Variants in ADAMTS12 observed in about 807,000 individuals in gnomAD.
ADAMTS12 encodes A disintegrin and metalloproteinase with thrombospondin motifs 12.
Under a neutral mutation model 167.8 loss-of-function variants are expected in ADAMTS12, and 118 were observed. The ratio of observed to expected loss-of-function variants is 0.70; its 90% confidence interval spans 0.61 to 0.82. ADAMTS12 has a LOEUF of 0.82. ADAMTS12 is among the 40% of genes least tolerant of loss of function. The pLI, the probability that ADAMTS12 is intolerant of heterozygous loss-of-function variation, is 0.00. For missense variants in ADAMTS12, 1,916 were observed against 1,998.8 expected (o/e 0.96, Z 0.79); for synonymous variants, 704 against 716.9 (o/e 0.98, Z 0.29).
chr5:33,757,166 C>A (rs1172407811), intron 2 of ADAMTS12, among the ~76,000 whole-genome samples: 1 of 152,092 alleles, frequency 6.6e-6, no homozygotes, highest in Non-Finnish European at 1.5e-5. Context: ...GCCTTAAAAG[C>A]AAATGAACTG....
chr5:33,576,315 C>T lies in ADAMTS12; in HGVS notation c.3711G>A (p.Glu1237=). The T allele has an allele frequency of 5.0e-6, 8 of 1,614,186 alleles. No individual in the cohort carries two copies. Among genetic ancestry groups the T allele is most frequent in the Non-Finnish European group, 6.8e-6 (8 of 1,180,032 alleles). ...TTSETGTPRV[E]GMVTEKPANT... ...TGGCTGGCTTTTCAGTAACCATCCC[C>T]TCAACTCTGGGTGTCCCAGTTTCGG... The change falls in exon 19 of 24, where the codon GAG becomes GAA. Residue 1237 remains glutamate, a synonymous_variant. Transcript: ENST00000504830.
chr5:33,546,042 G>A lies in ADAMTS12; in HGVS notation c.4446+17C>T. 1 of 1,587,742 alleles carries A rather than the reference G, an allele frequency of 6.3e-7. No homozygotes were observed. The highest frequency in any genetic ancestry group is 8.5e-7 in the Non-Finnish European group (1 of 1,171,642). The stretch of plus-strand genomic sequence containing the variant: ...AAAAAAGCTAAAGTAAAAAAAGTAT[G>A]TATAACCAAGTCTTACCAGGTCCCA... On this transcript the variant is annotated intron_variant, in intron 22 of 23. Transcript: ENST00000504830.
intron 3 of ADAMTS12, among the ~76,000 whole-genome samples, chr5:33,730,501 A>G (rs1038935600): frequency 2.6e-5 from 4 of 152,032 alleles, no homozygotes; most frequent in African/African-American, 9.7e-5. Flanking sequence ...TTAAATGCCT[A>G]TTTTTATTTT....
At chr5:33,583,453 T>A (rs1290715885) in intron 18 of ADAMTS12, among the ~76,000 whole-genome samples, 2 of 152,216 alleles carry the variant, frequency 1.3e-5, no homozygotes, top group African/African-American at 2.4e-5. Context: ...GCAACAAACA[T>A]AGGAGTGCAG....
chr5:33,739,740 TG>T (rs1357664559), intron 3 of ADAMTS12, among the ~76,000 whole-genome samples: 1 of 152,156 alleles, frequency 6.6e-6, no homozygotes, highest in African/African-American at 2.4e-5. Flanking sequence ...CTGTCCCTTC[TG>T]GGTGAGAGGC....
chr5:33,549,249 G>A lies in ADAMTS12; in HGVS notation c.4260C>T (p.Asn1420=). ...CCTGCCACGCCTCACAGGGCTCCGG[G>A]TTACAGCTCATGCTCAATGGGGGAG... ...GIPPPLSMSC[N]PEPCEAWQVE... is the part of the protein sequence containing the mutation. Residue 1420 remains asparagine (N), a synonymous_variant, in exon 21 of 24, where the codon AAC becomes AAT. Coordinates refer to ENST00000504830, the MANE Select transcript of ADAMTS12 (RefSeq NM_030955.4). 1.2e-6 allele frequency: 2 copies of A among 1,614,196 alleles called. No homozygotes were observed. The highest frequency in any genetic ancestry group is 2.2e-5 in the South Asian group (2 of 91,084).
intron 14 of ADAMTS12, among the ~76,000 whole-genome samples, chr5:33,619,945 G>A (rs1186275683): frequency 2.0e-5 from 3 of 152,120 alleles, no homozygotes; most frequent in Non-Finnish European, 4.4e-5. Context: ...TGCCCTCCTC[G>A]GCCTCCCAAA....
chr5:33,844,795 C>T (rs1435297036), intron 2 of ADAMTS12, among the ~76,000 whole-genome samples: 1 of 152,124 alleles, frequency 6.6e-6, no homozygotes, highest in Non-Finnish European at 1.5e-5. Flanking sequence ...GGTTTTGCGG[C>T]TTGTGGGGCA....
intron 2 of ADAMTS12, among the ~76,000 whole-genome samples, chr5:33,869,574 C>T (rs1449807596): frequency 2.0e-5 from 3 of 152,066 alleles, no homozygotes; most frequent in Admixed American, 1.3e-4. Context: ...TTCTGTGATG[C>T]CCCCTGAGCC....
chr5:33,826,610 T>C (rs1201791235), intron 2 of ADAMTS12, among the ~76,000 whole-genome samples: 1 of 151,194 alleles, frequency 6.6e-6, no homozygotes, highest in Non-Finnish European at 1.5e-5. Flanking sequence ...ATATATAATT[T>C]TGAGTTTAAT....
chr5:33,674,208 G>A (rs1741821310), intron 5 of ADAMTS12, among the ~76,000 whole-genome samples: 2 of 152,184 alleles, frequency 1.3e-5, no homozygotes, highest in Non-Finnish European at 2.9e-5. Context: ...AAAAAGTGAA[G>A]ACTAGGTGAA....
chr5:33,682,014 G>A (rs1382599495), intron 5 of ADAMTS12, among the ~76,000 whole-genome samples: 1 of 152,182 alleles, frequency 6.6e-6, no homozygotes, highest in Non-Finnish European at 1.5e-5. Context: ...CATTTAAAAT[G>A]ATCATCCATG....
intron 2 of ADAMTS12, among the ~76,000 whole-genome samples, chr5:33,874,110 G>T (rs1750137763): frequency 6.6e-6 from 1 of 151,956 alleles, no homozygotes; most frequent in South Asian, 2.1e-4. Flanking sequence ...TCTGCTCTGT[G>T]AAACACACTA....
At chr5:33,758,845 A>G (rs879681840) in intron 2 of ADAMTS12, among the ~76,000 whole-genome samples, 4 of 151,786 alleles carry the variant, frequency 2.6e-5, no homozygotes, top group Non-Finnish European at 5.9e-5. Flanking sequence ...GTCAGTTCCA[A>G]CTCTCTCTCT....
At chr5:33,604,448 C>T (rs536603452) in intron 16 of ADAMTS12, among the ~76,000 whole-genome samples, 7 of 150,632 alleles carry the variant, frequency 4.6e-5, no homozygotes, top group South Asian at 2.1e-4. Flanking sequence ...TTGCAGTGAG[C>T]GGAAATTACG....
rs143929809 is a variant in ADAMTS12, at chr5:33,528,021, C to A, written c.4607-655G>T. ...AAGATATGGAACCAACCTAAGGGCC[C>A]GTCAACCAATGAGTGGATACAGGAA... On this transcript the variant is annotated intron_variant, in intron 23 of 23. Transcript: ENST00000504830. 8.5e-3 allele frequency among the ~76,000 whole-genome samples: 1,289 copies of A among 151,530 alleles called. 17 individuals are homozygous for A. The highest frequency in any genetic ancestry group is 0.034 in the Middle Eastern group (10 of 294).
At chr5:33,788,365 A>G (rs1048950084) in intron 2 of ADAMTS12, among the ~76,000 whole-genome samples, 1 of 152,096 alleles carries the variant, frequency 6.6e-6, no homozygotes, top group South Asian at 2.1e-4. Context: ...ACTCACTGGA[A>G]TCATAGGCAA....
chr5:33,552,967 C>T (rs1431863393), intron 20 of ADAMTS12, among the ~76,000 whole-genome samples: 2 of 152,064 alleles, frequency 1.3e-5, no homozygotes, highest in Non-Finnish European at 2.9e-5. Flanking sequence ...TCTGACAAAG[C>T]TCTAATATCC....
intron 1 of ADAMTS12, among the ~76,000 whole-genome samples, chr5:33,882,318 A>T (rs1189903665): frequency 6.6e-6 from 1 of 152,212 alleles, no homozygotes. Context: ...GCTGGGTTTT[A>T]AAAAAGTGTT....
Sources: allele counts gnomAD v4.1 joint callset (sites outside exome capture counted in the v4.1 genomes callset), GRCh38; gene constraint gnomAD v4.1.1; transcripts MANE v1.5; gene names NCBI Gene and HGNC (gene_info 2026-07-23, HGNC 2026-07-21).